Variants in GALNT17 observed in about 807,000 individuals in gnomAD.
GALNT17 encodes UDP-GalNAc:polypeptide N-acetylgalactosaminyltransferase-like 3.
GALNT17 carries 29 observed loss-of-function variants against 63.7 expected under a neutral mutation model. The ratio of observed to expected loss-of-function variants is 0.46; its 90% CI spans 0.34 to 0.62. The LOEUF (loss-of-function observed/expected upper bound fraction) is 0.62. Ranked by LOEUF, GALNT17 falls within the 20% of genes least tolerant of loss-of-function variation. GALNT17 has a pLI of 0.01. For missense variants in GALNT17, 603 were observed against 799.6 expected, an observed-to-expected ratio of 0.75 and a Z score of 2.97; for synonymous variants, 305 against 318.3, an observed-to-expected ratio of 0.96 and a Z score of 0.45.
chr7:71,467,980 A>G (rs1322682266), intron 5 of GALNT17, among the ~76,000 whole-genome samples: 1 of 152,090 alleles, frequency 6.6e-6, no homozygotes, highest in Non-Finnish European at 1.5e-5. Context: ...TTATGAATGC[A>G]TGTGGGAAAG....
At chr7:71,412,917 C>A (rs1352576535) in intron 3 of GALNT17, among the ~76,000 whole-genome samples, 1 of 152,130 alleles carries the variant, frequency 6.6e-6, no homozygotes, top group Admixed American at 6.5e-5. Context: ...GTGGCAGGCA[C>A]CTGTAGTCCC....
chr7:71,211,627 G>A (rs1789379610), intron 1 of GALNT17, among the ~76,000 whole-genome samples: 1 of 152,166 alleles, frequency 6.6e-6, no homozygotes, highest in African/African-American at 2.4e-5. Context: ...GGGAAAGTTT[G>A]GAACTTCCTA....
chr7:71,224,191 T>A (rs1789639774), intron 1 of GALNT17, among the ~76,000 whole-genome samples: 2 of 152,026 alleles, frequency 1.3e-5, no homozygotes, highest in African/African-American at 2.4e-5. Flanking sequence ...AGTAGGGTAG[T>A]CATATGCCAC....
intron 5 of GALNT17, among the ~76,000 whole-genome samples, chr7:71,525,683 C>CT (rs1177478299): frequency 0.011 from 1,384 of 129,966 alleles, 12 homozygotes; most frequent in Non-Finnish European, 0.013. Context: ...CATTAAATGC[C>CT]TTTTTTTTTT....
At chr7:71,353,953 C>G (rs967862546) in intron 2 of GALNT17, among the ~76,000 whole-genome samples, 4 of 152,082 alleles carry the variant, frequency 2.6e-5, no homozygotes, top group African/African-American at 7.2e-5. Flanking sequence ...AGGAAACTTA[C>G]AATTGTGGCG....
intron 9 of GALNT17, among the ~76,000 whole-genome samples, chr7:71,698,872 TA>T (rs1479909626): frequency 6.6e-6 from 1 of 151,912 alleles, no homozygotes; most frequent in African/African-American, 2.4e-5. Flanking sequence ...AAGAGACACA[TA>T]AAAAACCTCA....
At chr7:71,271,557 C>A (rs894729992) in intron 1 of GALNT17, among the ~76,000 whole-genome samples, 2 of 152,206 alleles carry the variant, frequency 1.3e-5, no homozygotes, top group African/African-American at 4.8e-5. Flanking sequence ...GGCACTCATT[C>A]AGGTTTTTTA....
chr7:71,618,130 G>C (rs372910304), intron 6 of GALNT17, among the ~76,000 whole-genome samples: 36 of 152,256 alleles, frequency 2.4e-4, no homozygotes, highest in Admixed American at 2.0e-3. Context: ...CTCAATTCAT[G>C]TTGCTGCAAA....
chr7:71,570,309 TG>T (rs1789418026), intron 5 of GALNT17, among the ~76,000 whole-genome samples: 1 of 152,182 alleles, frequency 6.6e-6, no homozygotes, highest in Non-Finnish European at 1.5e-5. Flanking sequence ...TTGCCATTTA[TG>T]ATGGATACCT....
intron 6 of GALNT17, among the ~76,000 whole-genome samples, chr7:71,627,519 T>G (rs1262814502): frequency 1.3e-5 from 2 of 152,098 alleles, no homozygotes; most frequent in Non-Finnish European, 2.9e-5. Flanking sequence ...CAGTGGGCAG[T>G]CAAAGGGCAA....
chr7:71,315,174 T>C (rs1171723304), intron 1 of GALNT17, among the ~76,000 whole-genome samples: 1 of 152,234 alleles, frequency 6.6e-6, no homozygotes, highest in Non-Finnish European at 1.5e-5. Flanking sequence ...GACTTCACAG[T>C]TTATCCATGT....
At chr7:71,316,248 GTGGGTCTGATCAGGATCCTGATC>G (rs1212723470) in intron 1 of GALNT17, among the ~76,000 whole-genome samples, 34 of 143,644 alleles carry the variant, frequency 2.4e-4, no homozygotes, top group Non-Finnish European at 5.2e-4. Context: ...ATCCTGATCT[GTGGGTCTGATCAGGATCCTGATC>G]TGTGGATCTG....
chr7:71,369,940 G>T (rs919533579), intron 2 of GALNT17, among the ~76,000 whole-genome samples: 1 of 152,082 alleles, frequency 6.6e-6, no homozygotes, highest in Non-Finnish European at 1.5e-5. Context: ...GATTTAAAGA[G>T]GATTGAAAAC....
At chr7:71,429,570 T>G (rs931721155) in intron 5 of GALNT17, among the ~76,000 whole-genome samples, 2 of 152,226 alleles carry the variant, frequency 1.3e-5, no homozygotes, top group Non-Finnish European at 2.9e-5. Context: ...AGAGATAAGA[T>G]CTCACTCTGT....
chr7:71,379,977 G>T (rs1792814036), intron 2 of GALNT17, among the ~76,000 whole-genome samples: 1 of 152,174 alleles, frequency 6.6e-6, no homozygotes, highest in Non-Finnish European at 1.5e-5. Context: ...GGCCAAGGAA[G>T]ATCCCAGAGG....
chr7:71,159,192 C>T (rs974158695), intron 1 of GALNT17, among the ~76,000 whole-genome samples: 3 of 151,664 alleles, frequency 2.0e-5, no homozygotes, highest in African/African-American at 7.3e-5. Flanking sequence ...GGAATAGACT[C>T]TGAAATTATT....
intron 6 of GALNT17, among the ~76,000 whole-genome samples, chr7:71,592,042 G>A (rs1789810424): frequency 6.6e-6 from 1 of 152,236 alleles, no homozygotes; most frequent in African/African-American, 2.4e-5. Context: ...TCAGTTGCCT[G>A]TGGTGCTGTG....
intron 2 of GALNT17, among the ~76,000 whole-genome samples, chr7:71,347,292 G>T (rs982611831): frequency 6.6e-5 from 10 of 152,128 alleles, no homozygotes; most frequent in Non-Finnish European, 4.4e-5. Context: ...TCCCTTTCTA[G>T]CTATGTGACC....
intron 5 of GALNT17, among the ~76,000 whole-genome samples, chr7:71,566,561 A>G (rs1312244090): frequency 1.3e-5 from 2 of 151,734 alleles, no homozygotes; most frequent in African/African-American, 2.4e-5. Flanking sequence ...ATACCCAGGG[A>G]CCTGTGGCAC....
Sources: allele counts gnomAD v4.1 joint callset (sites outside exome capture counted in the v4.1 genomes callset), GRCh38; gene constraint gnomAD v4.1.1; transcripts MANE v1.5; gene names NCBI Gene and HGNC (gene_info 2026-07-23, HGNC 2026-07-21).